The following DOCK3 variants were observed in gnomAD, a reference collection of about 807,000 sequenced individuals.
DOCK3 encodes the protein dedicator of cytokinesis 3, also known as dedicator of cytokinesis protein 3.
DOCK3 carries 60 observed loss-of-function variants against 265.6 expected under a neutral mutation model. That is an observed-to-expected ratio of 0.23 (90% CI 0.18 to 0.28). The LOEUF is 0.28. Ranked by LOEUF, DOCK3 falls within the 10% of genes least tolerant of loss-of-function variation. The probability of loss-of-function intolerance (pLI) is 1.00; values close to 1 mark genes in which losing one functional copy is unlikely to be tolerated. For synonymous variants in DOCK3, 881 were observed against 938.0 expected (o/e 0.94, Z 1.11); for missense variants, 1,981 against 2,594.3 (o/e 0.76, Z 5.14).
chr3:51,009,958 T>C (rs929960848), intron 5 of DOCK3, among the ~76,000 whole-genome samples: 1 of 152,226 alleles, frequency 6.6e-6, no homozygotes, highest in Non-Finnish European at 1.5e-5. Flanking sequence ...TGAGTTCTAG[T>C]TTGATTGCAC....
At chr3:50,689,810 A>T (rs1477241960) in intron 1 of DOCK3, among the ~76,000 whole-genome samples, 1 of 152,078 alleles carries the variant, frequency 6.6e-6, no homozygotes, top group African/African-American at 2.4e-5. Context: ...TTCTTTACCC[A>T]CTGCTCACCT....
chr3:50,736,348 C>T (rs1368050729), intron 1 of DOCK3, among the ~76,000 whole-genome samples: 1 of 152,102 alleles, frequency 6.6e-6, no homozygotes, highest in Non-Finnish European at 1.5e-5. Flanking sequence ...GTGAATAGTG[C>T]CACAATAAAC....
intron 7 of DOCK3, among the ~76,000 whole-genome samples, chr3:51,085,227 T>C (rs138144932): frequency 1.1e-3 from 161 of 152,292 alleles, no homozygotes; most frequent in Non-Finnish European, 1.6e-3. Flanking sequence ...GCATTAATAG[T>C]TGGGGACTTC....
chr3:51,084,144 A>G (rs1043351475), intron 7 of DOCK3, among the ~76,000 whole-genome samples: 2 of 152,284 alleles, frequency 1.3e-5, no homozygotes, highest in South Asian at 2.1e-4. Flanking sequence ...AGGAGAAGGC[A>G]TGGGCAAAGA....
At chr3:50,875,390 G>GACTTT (rs977069466) in intron 3 of DOCK3, among the ~76,000 whole-genome samples, 1 of 152,152 alleles carries the variant, frequency 6.6e-6, no homozygotes, top group African/African-American at 2.4e-5. Flanking sequence ...TCTTTGGAAA[G>GACTTT]ACTTTCAATT....
intron 15 of DOCK3, among the ~76,000 whole-genome samples, chr3:51,226,410 A>G (rs895793897): frequency 2.6e-5 from 4 of 152,226 alleles, no homozygotes; most frequent in African/African-American, 9.7e-5. Flanking sequence ...TCGGTGTTGT[A>G]CGAACCTTGC....
At chr3:51,250,118 C>T (rs903658653) in intron 22 of DOCK3, among the ~76,000 whole-genome samples, 1 of 151,762 alleles carries the variant, frequency 6.6e-6, no homozygotes, top group South Asian at 2.1e-4. Flanking sequence ...CTCAAGTACC[C>T]AGGGACACAA....
In DOCK3 at chr3:51,381,678, G is replaced by A. The variant is rs200141895; in HGVS notation, c.*119G>A. 3,625 of 1,351,918 alleles carry A rather than the reference G, an allele frequency of 2.7e-3. 13 individuals are homozygous for A. Among genetic ancestry groups the A allele is most frequent in the Non-Finnish European group, 2.6e-3 (2,681 of 1,027,286 alleles). The allele number at this position is 1,351,918 out of a possible 1,614,324, so 83.7% of individuals were successfully genotyped here. On this transcript the variant is annotated 3_prime_UTR_variant, in exon 53 of 53. Transcript: ENST00000266037. The surrounding 1 kb of genome is among the most constrained non-coding windows in gnomAD (Gnocchi z 5.6). ...GCCAGAGAGGCTTGCACTCAGGAGAGAACCACCCCCAAGTCTCCGTTCTAC... is the reference window on the plus strand; with the variant it reads ...GCCAGAGAGGCTTGCACTCAGGAGAAAACCACCCCCAAGTCTCCGTTCTAC...
chr3:51,348,926 C>T lies in DOCK3; in HGVS notation c.3990C>T (p.Leu1330=), dbSNP rs1036903563. The T allele has an allele frequency of 3.2e-6, 5 of 1,572,730 alleles. No individual in the cohort carries two copies. The highest frequency in any genetic ancestry group is 4.3e-6 in the Non-Finnish European group (5 of 1,158,940). The change falls in exon 39 of 53, where the codon CTC becomes CTT. Residue 1330 remains leucine, a synonymous_variant. Transcript: ENST00000266037. The stretch of plus-strand genomic sequence containing the variant: ...AGAGCCTCTATGATTACCAGAGCCT[C>T]AGCTGGATTCGGGTGAGCTGTGCCC... ...QYESLYDYQS[L]SWIRKMEASY...
intron 3 of DOCK3, among the ~76,000 whole-genome samples, chr3:50,851,897 C>T (rs1669104301): frequency 6.6e-6 from 1 of 152,198 alleles, no homozygotes; most frequent in African/African-American, 2.4e-5. Flanking sequence ...TTTGTATGCA[C>T]CTGGATTAAA....
intron 10 of DOCK3, among the ~76,000 whole-genome samples, chr3:51,153,220 GC>G (rs2085693427): frequency 6.6e-6 from 1 of 152,206 alleles, no homozygotes; most frequent in Admixed American, 6.5e-5. Context: ...GGTGCCCCTT[GC>G]CCGCTACGCT....
intron 12 of DOCK3, among the ~76,000 whole-genome samples, chr3:51,203,866 C>T (rs960259993): frequency 6.6e-6 from 1 of 152,156 alleles, no homozygotes; most frequent in Non-Finnish European, 1.5e-5. Context: ...CTCCGCGTAT[C>T]TACAACTATC....
At chr3:51,021,197 C>G (rs896943923) in intron 5 of DOCK3, among the ~76,000 whole-genome samples, 2 of 151,770 alleles carry the variant, frequency 1.3e-5, no homozygotes, top group South Asian at 2.1e-4. Flanking sequence ...TCCAACCTAG[C>G]AAAACAGGCC....
At chr3:51,008,518 G>T (rs1389507095) in intron 5 of DOCK3, among the ~76,000 whole-genome samples, 4 of 152,166 alleles carry the variant, frequency 2.6e-5, no homozygotes, top group Non-Finnish European at 5.9e-5. Flanking sequence ...TCAGCTTAAG[G>T]AGATTTTGGG....
intron 1 of DOCK3, among the ~76,000 whole-genome samples, chr3:50,698,026 T>C (rs545462034): frequency 1.3e-4 from 20 of 152,310 alleles, no homozygotes; most frequent in Non-Finnish European, 2.6e-4. Flanking sequence ...GGTGTCGAGG[T>C]ATAATTCACA....
intron 27 of DOCK3, among the ~76,000 whole-genome samples, chr3:51,305,061 T>G (rs1427363420): frequency 6.6e-6 from 1 of 152,266 alleles, no homozygotes; most frequent in East Asian, 1.9e-4. Flanking sequence ...GAGTGTTCTA[T>G]AGACGTGTGT....
At chr3:51,030,069 A>G (rs2079986536) in intron 5 of DOCK3, among the ~76,000 whole-genome samples, 2 of 152,096 alleles carry the variant, frequency 1.3e-5, no homozygotes, top group African/African-American at 2.4e-5. Flanking sequence ...TACTCTTTCT[A>G]CTGGACTCTG....
chr3:51,043,458 T>C (rs189732519), intron 5 of DOCK3, among the ~76,000 whole-genome samples: 1 of 152,202 alleles, frequency 6.6e-6, no homozygotes, highest in East Asian at 1.9e-4. Flanking sequence ...AAGACTTAAA[T>C]GTAAAATCCC....
At chr3:50,824,537 G>C (rs2044646632) in intron 2 of DOCK3, among the ~76,000 whole-genome samples, 1 of 152,152 alleles carries the variant, frequency 6.6e-6, no homozygotes, top group Non-Finnish European at 1.5e-5. Flanking sequence ...TTTGATGAGT[G>C]GCCCACAGGC....
Sources: allele counts gnomAD v4.1 joint callset (sites outside exome capture counted in the v4.1 genomes callset), GRCh38; gene constraint gnomAD v4.1.1; non-coding constraint Gnocchi (gnomAD v3.1); transcripts MANE v1.5; gene names NCBI Gene and HGNC (gene_info 2026-07-23, HGNC 2026-07-21).